Variants in MYO1E observed in about 807,000 individuals in gnomAD.
MYO1E encodes the protein unconventional myosin-Ie.
MYO1E carries 68 observed loss-of-function variants against 151.1 expected under a neutral mutation model. The observed-to-expected ratio is 0.45, with a 90% CI of 0.37 to 0.55. The LOEUF is 0.55. MYO1E is among the 20% of genes least tolerant of loss of function. MYO1E has a pLI of 0.00. For missense variants in MYO1E, 1,363 were observed against 1,389.3 expected (o/e 0.98, Z 0.30); for synonymous variants, 601 against 501.7 (o/e 1.20, Z -2.64).
chr15:59,263,992 A>G (rs2080239066), intron 2 of MYO1E, among the ~76,000 whole-genome samples: 1 of 152,202 alleles, frequency 6.6e-6, no homozygotes, highest in Admixed American at 6.5e-5. Context: ...AATTAAACAC[A>G]TATACATTTA....
chr15:59,231,561 T>C (rs781680066), intron 6 of MYO1E, 141 bp downstream of exon 6: 29 of 910,190 alleles, frequency 3.2e-5, no homozygotes, highest in African/African-American at 6.6e-5. Context: ...CATGCTGCTA[T>C]AGAAAATGAA....
At position 59,133,907 on chromosome 15, in the gene MYO1E, G is replaced by C. The variant is rs936011902; in HGVS notation, c.*3473C>G. On this transcript the variant is annotated 3_prime_UTR_variant, in exon 28 of 28. Coordinates refer to ENST00000288235, the MANE Select transcript of MYO1E (RefSeq NM_004998.4). ...GTTCAGGAGGGAGTCGCAAAGAGAA[G>C]GAATTTAGATTATGTAAAAGCCATG... 6.6e-6 allele frequency: 1 copy of C among 152,248 alleles called. No homozygotes were observed. Among genetic ancestry groups the C allele is most frequent in the African/African-American group, 2.4e-5 (1 of 41,454 alleles). 9.4% of individuals were successfully genotyped at this position (152,248 alleles called of 1,614,324 possible).
chr15:59,172,859 C>A (rs1401540993), intron 21 of MYO1E, among the ~76,000 whole-genome samples: 3 of 152,376 alleles, frequency 2.0e-5, no homozygotes, highest in East Asian at 3.9e-4. Flanking sequence ...GAGCTAAGCA[C>A]CCCTGTGTGC....
intron 7 of MYO1E, among the ~76,000 whole-genome samples, chr15:59,225,128 G>A (rs1372817961): frequency 6.6e-6 from 1 of 152,224 alleles, no homozygotes; most frequent in African/African-American, 2.4e-5. Flanking sequence ...TGCCCAACTT[G>A]CTATGGCTTT....
At chr15:59,317,248 G>A (rs2080594998) in intron 1 of MYO1E, among the ~76,000 whole-genome samples, 2 of 152,148 alleles carry the variant, frequency 1.3e-5, no homozygotes, top group Admixed American at 6.5e-5. Flanking sequence ...AGTCCAATAA[G>A]GCAAACACAG....
intron 22 of MYO1E, 86 bp downstream of exon 22, chr15:59,171,811 C>T (rs1389491159): frequency 1.1e-5 from 18 of 1,565,716 alleles, no homozygotes; most frequent in African/African-American, 5.4e-5. Flanking sequence ...AAGCCCAGCC[C>T]GGCCTTCCTC....
chr15:59,177,637 G>A (rs1420724693), intron 19 of MYO1E, among the ~76,000 whole-genome samples: 1 of 152,152 alleles, frequency 6.6e-6, no homozygotes, highest in African/African-American at 2.4e-5. Flanking sequence ...CCGCAGCCCT[G>A]GAGCAAACTG....
chr15:59,333,128 T>C (rs959674883), intron 1 of MYO1E, among the ~76,000 whole-genome samples: 5 of 152,252 alleles, frequency 3.3e-5, no homozygotes, highest in Non-Finnish European at 7.3e-5. Flanking sequence ...GACAATCCAC[T>C]AAGAAATGTC....
chr15:59,160,026 T>C (rs2079528673), intron 24 of MYO1E, among the ~76,000 whole-genome samples: 1 of 152,084 alleles, frequency 6.6e-6, no homozygotes, highest in African/African-American at 2.4e-5. Context: ...TTGTATTTAG[T>C]AGAGACTGGG....
At chr15:59,141,815 AAAAG>A (rs2079411421) in intron 26 of MYO1E, among the ~76,000 whole-genome samples, 1 of 148,304 alleles carries the variant, frequency 6.7e-6, no homozygotes, top group Non-Finnish European at 1.5e-5. Flanking sequence ...AAAAAAAAAA[AAAAG>A]GCTGGGTGCA....
At chr15:59,242,378 G>C (rs1466222823) in intron 4 of MYO1E, among the ~76,000 whole-genome samples, 2 of 152,182 alleles carry the variant, frequency 1.3e-5, no homozygotes, top group Non-Finnish European at 2.9e-5. Context: ...GACGTGTCAA[G>C]CATATAAGAG....
intron 7 of MYO1E, 59 bp from the exon 8 acceptor site, chr15:59,224,882 T>C (rs765811011): frequency 3.1e-6 from 5 of 1,608,772 alleles, no homozygotes; most frequent in Non-Finnish European, 4.3e-6. Context: ...CCGAAGTCAC[T>C]CCTGCATCCT....
chr15:59,214,978 T>G (rs2079904217), intron 10 of MYO1E, among the ~76,000 whole-genome samples: 2 of 152,232 alleles, frequency 1.3e-5, no homozygotes, highest in South Asian at 4.1e-4. Context: ...ACCATTAATT[T>G]CTGTCCAAGT....
intron 18 of MYO1E, among the ~76,000 whole-genome samples, chr15:59,182,801 C>T (rs2079671716): frequency 6.6e-6 from 1 of 152,162 alleles, no homozygotes; most frequent in Non-Finnish European, 1.5e-5. Context: ...CAGTTCACAC[C>T]TCATGCACGT....
At chr15:59,271,447 G>A (rs2080288573) in intron 2 of MYO1E, among the ~76,000 whole-genome samples, 1 of 152,200 alleles carries the variant, frequency 6.6e-6, no homozygotes, top group African/African-American at 2.4e-5. Flanking sequence ...ATTTGACACA[G>A]AGTTTTGCAT....
Position 59,218,082 on chromosome 15 carries a change from CT to C in MYO1E, c.915del (p.Ala306LeufsTer7). 2 of 1,614,154 alleles carry C rather than the reference CT, an allele frequency of 1.2e-6. No individual in the cohort carries two copies. The highest frequency in any genetic ancestry group is 1.7e-6 in the Non-Finnish European group (2 of 1,180,014). ...ATCCCTAGCAGATATGCAGGAAAAG[CT>C]AAAACTGTAGAACATAAAACAAAAC... ...NYAAVESEEFLAFPAYLLGIN... is the reference protein window; with the variant it reads ...NYAAVESEEFXAFPAYLLGIN... On this transcript the variant is annotated frameshift_variant, in exon 10 of 28. Coordinates refer to ENST00000288235, the MANE Select transcript of MYO1E (RefSeq NM_004998.4). LOFTEE classifies it high-confidence loss of function.
At position 59,307,816 on chromosome 15, in the gene MYO1E, G is replaced by T. The variant is rs571856057; in HGVS notation, c.4-35367C>A. 3.3e-5 allele frequency among the ~76,000 whole-genome samples: 5 copies of T among 151,806 alleles called. No individual in the cohort carries two copies. In the South Asian group the frequency reaches 1.0e-3, roughly 32 times the overall value. On this transcript the variant is annotated intron_variant, in intron 1 of 27. Transcript: ENST00000288235. ...GTAGAGGTGGGGTTTCTCCATGTTG[G>T]TCAGGCTGGTCTTGAACTCCTGACC...
chr15:59,272,424 T>C lies in MYO1E; in HGVS notation c.29A>G (p.His10Arg), dbSNP rs761815828. ...GTGCTTGACATTGTGGCTTTGCCAG[T>C]GGTACTGGTAGACACCTTTGCTTCC... MGSKGVYQY[H>R]WQSHNVKHSG... Residue 10 changes from histidine to arginine, a missense_variant, in exon 2 of 28, where the codon CAC (histidine) becomes CGC (arginine). Coordinates refer to ENST00000288235, the MANE Select transcript of MYO1E (RefSeq NM_004998.4). The C allele has an allele frequency of 2.5e-6, 4 of 1,614,104 alleles. No homozygotes were observed. In the African/African-American group the frequency reaches 4.0e-5, roughly 16 times the overall value.
chr15:59,264,537 C>G (rs1341893337), intron 2 of MYO1E, among the ~76,000 whole-genome samples: 2 of 152,122 alleles, frequency 1.3e-5, no homozygotes, highest in African/African-American at 4.8e-5. Context: ...TTGGTACATA[C>G]TTATAGTAAA....
Sources: allele counts gnomAD v4.1 joint callset (sites outside exome capture counted in the v4.1 genomes callset), GRCh38; gene constraint gnomAD v4.1.1; transcripts MANE v1.5; gene names NCBI Gene and HGNC (gene_info 2026-07-23, HGNC 2026-07-21).